ALK: variants seen among roughly 807,000 people sequenced by gnomAD.
ALK encodes ALK tyrosine kinase receptor.
A neutral mutation model predicts 163.1 loss-of-function variants in ALK; 74 were observed. The observed-to-expected ratio is 0.45, with a 90% confidence interval of 0.38 to 0.55. The LOEUF is 0.55. ALK is among the 20% of genes least tolerant of loss of function. The pLI is 0.00. For missense variants in ALK, 2,063 were observed against 2,105.3 expected (o/e 0.98, Z 0.39); for synonymous variants, 960 against 843.2 (o/e 1.14, Z -2.40).
chr2:29,668,886 G>T (rs771254597), intron 3 of ALK, among the ~76,000 whole-genome samples: 1 of 152,088 alleles, frequency 6.6e-6, no homozygotes, highest in South Asian at 2.1e-4. Context: ...GCAGGCAAGA[G>T]AGAGTGTGTA....
At chr2:29,513,655 T>A (rs1253972375) in intron 4 of ALK, among the ~76,000 whole-genome samples, 3 of 151,814 alleles carry the variant, frequency 2.0e-5, no homozygotes, top group South Asian at 4.2e-4. Flanking sequence ...AAATGGGATC[T>A]AATTAAACTA....
chr2:29,746,498 C>A (rs1196646195), intron 1 of ALK, among the ~76,000 whole-genome samples: 1 of 152,194 alleles, frequency 6.6e-6, no homozygotes, highest in Non-Finnish European at 1.5e-5. Flanking sequence ...TGCTTGAACT[C>A]TTTAAATAAG....
chr2:29,312,305 C>T (rs1171756584), intron 8 of ALK, among the ~76,000 whole-genome samples: 1 of 151,884 alleles, frequency 6.6e-6, no homozygotes, highest in Non-Finnish European at 1.5e-5. Flanking sequence ...TGTTTCATAT[C>T]TCCTCTCACT....
intron 3 of ALK, among the ~76,000 whole-genome samples, chr2:29,688,906 GC>G (rs1678312511): frequency 6.6e-6 from 1 of 152,160 alleles, no homozygotes; most frequent in Non-Finnish European, 1.5e-5. Flanking sequence ...AACCCTGTGG[GC>G]CATAAATGCC....
chr2:29,631,924 C>T (rs565895585), intron 3 of ALK, among the ~76,000 whole-genome samples: 2 of 152,214 alleles, frequency 1.3e-5, no homozygotes, highest in African/African-American at 4.8e-5. Flanking sequence ...CTGTATTTCA[C>T]GTGCACATCT....
At chr2:29,369,537 G>T (rs1462655394) in intron 5 of ALK, among the ~76,000 whole-genome samples, 1 of 152,172 alleles carries the variant, frequency 6.6e-6, no homozygotes, top group Non-Finnish European at 1.5e-5. Context: ...TGGATATACA[G>T]CCTCAGGCCT....
intron 5 of ALK, among the ~76,000 whole-genome samples, chr2:29,371,983 C>G (rs894620227): frequency 6.6e-6 from 1 of 152,210 alleles, no homozygotes; most frequent in African/African-American, 2.4e-5. Context: ...GTCTTCGATG[C>G]TTTATCTTAA....
chr2:29,273,907 G>T (rs1322700939), intron 11 of ALK, among the ~76,000 whole-genome samples: 1 of 152,230 alleles, frequency 6.6e-6, no homozygotes, highest in Non-Finnish European at 1.5e-5. Flanking sequence ...TATCAGGTGA[G>T]ACATTGGCAT....
chr2:29,694,740 T>C (rs1290014971), intron 3 of ALK, 110 bp downstream of exon 3: 9 of 1,431,946 alleles, frequency 6.3e-6, no homozygotes, highest in Non-Finnish European at 8.8e-6. Flanking sequence ...AAAGCAGGTT[T>C]CAAAGTAAAC....
At chr2:29,530,125 A>C (rs1573433414) in intron 4 of ALK, among the ~76,000 whole-genome samples, 5 of 124,982 alleles carry the variant, frequency 4.0e-5, no homozygotes, top group East Asian at 2.3e-4. Context: ...TCCCAACTCC[A>C]CCCTTTCTCC....
intron 3 of ALK, among the ~76,000 whole-genome samples, chr2:29,690,578 C>G (rs530253353): frequency 1.5e-4 from 23 of 152,296 alleles, no homozygotes; most frequent in Admixed American, 9.2e-4. Flanking sequence ...TGGCCCCTGG[C>G]ACTTCTTAAA....
At chr2:29,856,993 C>T (rs923117234) in intron 1 of ALK, among the ~76,000 whole-genome samples, 1 of 152,244 alleles carries the variant, frequency 6.6e-6, no homozygotes, top group South Asian at 2.1e-4. Context: ...GTGTCGTGTA[C>T]AGGACCACGG....
intron 5 of ALK, among the ~76,000 whole-genome samples, chr2:29,334,112 C>T (rs1344056754): frequency 6.6e-6 from 1 of 152,188 alleles, no homozygotes; most frequent in Non-Finnish European, 1.5e-5. Context: ...GATCTCACCA[C>T]CTCATCTGTG....
chr2:29,561,878 C>T (rs1347696610), intron 3 of ALK, among the ~76,000 whole-genome samples: 1 of 152,060 alleles, frequency 6.6e-6, no homozygotes, highest in African/African-American at 2.4e-5. Context: ...AGTCCCACCC[C>T]TAGATATATT....
At chr2:29,434,352 G>C (rs1039930192) in intron 4 of ALK, among the ~76,000 whole-genome samples, 8 of 152,172 alleles carry the variant, frequency 5.3e-5, no homozygotes, top group Admixed American at 1.3e-4. Context: ...AGATGAGAAA[G>C]TAGAATTAGT....
chr2:29,546,760 G>C (rs1354907936), intron 3 of ALK, among the ~76,000 whole-genome samples: 1 of 152,006 alleles, frequency 6.6e-6, no homozygotes, highest in Non-Finnish European at 1.5e-5. Context: ...TGCTTTCTCT[G>C]GGCATTCCAT....
intron 4 of ALK, among the ~76,000 whole-genome samples, chr2:29,509,716 T>C (rs563189229): frequency 3.9e-5 from 6 of 152,310 alleles, no homozygotes; most frequent in Admixed American, 2.6e-4. Context: ...AATTTATTTC[T>C]AATGGAATGC....
At chr2:29,519,846 G>T (rs1039033351) in intron 4 of ALK, among the ~76,000 whole-genome samples, 8 of 152,170 alleles carry the variant, frequency 5.3e-5, no homozygotes, top group African/African-American at 1.9e-4. Context: ...CAGTCACAGA[G>T]AAATTTTAGT....
intron 5 of ALK, among the ~76,000 whole-genome samples, chr2:29,344,080 C>T (rs1249226037): frequency 2.0e-5 from 3 of 152,150 alleles, no homozygotes; most frequent in Non-Finnish European, 4.4e-5. Flanking sequence ...GCACAAGTGT[C>T]TCCTACATAG....
Sources: gnomAD v4.1 joint callset for allele counts (sites outside exome capture counted in the v4.1 genomes callset) on GRCh38, gnomAD v4.1.1 for gene constraint, MANE v1.5 for transcripts, NCBI Gene and HGNC (gene_info 2026-07-23, HGNC 2026-07-21) for gene names.